JAZF1: variants seen among roughly 807,000 people sequenced by gnomAD.
JAZF1 encodes juxtaposed with another zinc finger protein 1.
In JAZF1, 8 loss-of-function variants were observed where a neutral mutation model predicts 26.4. The observed-to-expected ratio is 0.30, with a 90% CI of 0.18 to 0.55. The LOEUF (loss-of-function observed/expected upper bound fraction) is 0.55. Ranked by LOEUF, JAZF1 falls within the 20% of genes least tolerant of loss-of-function variation. JAZF1 has a pLI of 0.94. For synonymous variants in JAZF1, 126 were observed against 122.3 expected, an observed-to-expected ratio of 1.03 and a Z score of -0.20; for missense variants, 199 against 322.0, an observed-to-expected ratio of 0.62 and a Z score of 2.92.
intron 2 of JAZF1, among the ~76,000 whole-genome samples, chr7:27,976,920 G>C (rs1785484378): frequency 6.6e-6 from 1 of 152,160 alleles, no homozygotes; most frequent in South Asian, 2.1e-4. Context: ...ATGTGGGAAA[G>C]AGGAAGAAAG....
intron 1 of JAZF1, among the ~76,000 whole-genome samples, chr7:28,138,664 AC>A (rs1782920594): frequency 6.6e-6 from 1 of 152,116 alleles, no homozygotes; most frequent in Admixed American, 6.5e-5. Flanking sequence ...AATATTTGCC[AC>A]CCTTCTTCTT....
intron 1 of JAZF1, among the ~76,000 whole-genome samples, chr7:28,054,640 C>A (rs1783668705): frequency 6.6e-6 from 1 of 152,068 alleles, no homozygotes; most frequent in African/African-American, 2.4e-5. Flanking sequence ...CTTTAGGAAA[C>A]CCAGGGCCTG....
chr7:28,066,471 C>T (rs537212174), intron 1 of JAZF1, among the ~76,000 whole-genome samples: 7 of 152,018 alleles, frequency 4.6e-5, no homozygotes, highest in East Asian at 3.9e-4. Context: ...GGTATGGTGG[C>T]GCATGCCTGT....
intron 1 of JAZF1, among the ~76,000 whole-genome samples, chr7:28,163,135 A>G (rs1333585348): frequency 6.6e-6 from 1 of 152,204 alleles, no homozygotes; most frequent in Non-Finnish European, 1.5e-5. Context: ...ATGGTCATTA[A>G]ATGTTTAACA....
intron 1 of JAZF1, among the ~76,000 whole-genome samples, chr7:28,173,207 G>T (rs1386093287): frequency 6.6e-6 from 1 of 152,146 alleles, no homozygotes; most frequent in Non-Finnish European, 1.5e-5. Context: ...TGCCTCTGTG[G>T]TCCCTATTAT....
chr7:28,125,938 C>T (rs966919776), intron 1 of JAZF1, among the ~76,000 whole-genome samples: 1 of 152,144 alleles, frequency 6.6e-6, no homozygotes, highest in Non-Finnish European at 1.5e-5. Context: ...AGGTTGGTCT[C>T]AAGTGTAGTT....
At chr7:28,084,693 G>A (rs553361320) in intron 1 of JAZF1, among the ~76,000 whole-genome samples, 2 of 152,316 alleles carry the variant, frequency 1.3e-5, no homozygotes, top group African/African-American at 2.4e-5. Flanking sequence ...ATGCCCAGGA[G>A]GGAGACATGG....
intron 2 of JAZF1, among the ~76,000 whole-genome samples, chr7:27,944,232 T>G (rs920196108): frequency 2.6e-5 from 4 of 152,194 alleles, no homozygotes; most frequent in Non-Finnish European, 5.9e-5. Flanking sequence ...CAGTGTGCTG[T>G]TAGATGCATA....
At chr7:28,062,034 T>C (rs1211714280) in intron 1 of JAZF1, among the ~76,000 whole-genome samples, 4 of 152,200 alleles carry the variant, frequency 2.6e-5, no homozygotes, top group Admixed American at 2.6e-4. Context: ...TACTGAGTAC[T>C]TCAGTTACAA....
At chr7:28,091,508 CAGTTTT>C (rs1784295943) in intron 1 of JAZF1, among the ~76,000 whole-genome samples, 2 of 151,390 alleles carry the variant, frequency 1.3e-5, no homozygotes, top group Non-Finnish European at 2.9e-5. Context: ...AAAGAGAATA[CAGTTTT>C]ACTTTCTTTT....
At chr7:27,998,868 C>T (rs1288930609) in intron 1 of JAZF1, among the ~76,000 whole-genome samples, 1 of 152,162 alleles carries the variant, frequency 6.6e-6, no homozygotes, top group Non-Finnish European at 1.5e-5. Context: ...TCCTGGCAGA[C>T]CAGAGGGTTA....
Position 27,844,620 on chromosome 7 carries a change from T to C in JAZF1, c.386-3753A>G, listed in dbSNP as rs574998778. ...ATGCCAAATATGTACTAATATATCA[T>C]TGCAGAAACCACATATGCAAAGAAG... On this transcript the variant is annotated intron_variant, in intron 3 of 4. Coordinates refer to ENST00000283928, the MANE Select transcript of JAZF1 (RefSeq NM_175061.4). 4.6e-5 allele frequency: 7 copies of C among 152,326 alleles called. No individual in the cohort carries two copies. In the East Asian group the frequency reaches 1.2e-3, roughly 25 times the overall value. 9.4% of individuals were successfully genotyped at this position (152,326 alleles called of 1,614,324 possible). A position where few individuals can be genotyped will look rare whatever the true frequency, so the allele number is the denominator to read the frequency against.
chr7:28,109,936 A>G (rs1784615512), intron 1 of JAZF1, among the ~76,000 whole-genome samples: 2 of 152,250 alleles, frequency 1.3e-5, no homozygotes, highest in Non-Finnish European at 2.9e-5. Flanking sequence ...GTAGTATCCA[A>G]CGAGAAGTTG....
chr7:28,092,228 A>T (rs1562584189), intron 1 of JAZF1, among the ~76,000 whole-genome samples: 3 of 126,490 alleles, frequency 2.4e-5, no homozygotes, highest in East Asian at 2.4e-4. Flanking sequence ...ATTAGTTTCA[A>T]TTTTTTTTTT....
At chr7:27,994,286 T>G (rs1279284004) in intron 1 of JAZF1, among the ~76,000 whole-genome samples, 1 of 152,156 alleles carries the variant, frequency 6.6e-6, no homozygotes, top group Non-Finnish European at 1.5e-5. Context: ...CAAGAATGTT[T>G]AGCACTTTAT....
intron 1 of JAZF1, among the ~76,000 whole-genome samples, chr7:28,092,746 G>A (rs754592520): frequency 6.6e-6 from 1 of 151,920 alleles, no homozygotes; most frequent in Non-Finnish European, 1.5e-5. Context: ...TGCAGTCCCA[G>A]CCACTCAGGA....
chr7:27,831,338 T>C lies in JAZF1; in HGVS notation c.*1462A>G. On this transcript the variant is annotated 3_prime_UTR_variant, in exon 5 of 5. Coordinates refer to ENST00000283928, the MANE Select transcript of JAZF1 (RefSeq NM_175061.4). Reference sequence around the variant, plus strand: ...TAAGACTTTTCATCAAATGGGAACATGGGAAGAAACTTTATAAGCAATTTG... The same window carrying C: ...TAAGACTTTTCATCAAATGGGAACACGGGAAGAAACTTTATAAGCAATTTG... The C allele has an allele frequency of 4.4e-6, 1 of 226,904 alleles. No individual in the cohort carries two copies. The highest frequency in any genetic ancestry group is 8.8e-6 in the Non-Finnish European group (1 of 113,818). 14.1% of individuals were successfully genotyped at this position (226,904 alleles called of 1,614,324 possible).
rs1288091366 is a variant in JAZF1 at position 27,991,979 on chromosome 7, T to C, written c.118A>G (p.Thr40Ala). The C allele has an allele frequency of 1.3e-6, 2 of 1,591,186 alleles. No homozygotes were observed. The highest frequency in any genetic ancestry group is 2.2e-5 in the East Asian group (1 of 44,682). Residue 40 changes from threonine to alanine, a missense_variant and splice_region_variant, in exon 2 of 5, where the codon ACA becomes GCA. Around this residue, in one of 2 missense-constraint regions of JAZF1, gnomAD observed 137 missense variants for 184.8 expected, o/e 0.74. Coordinates refer to ENST00000283928, the MANE Select transcript of JAZF1 (RefSeq NM_175061.4). ...IEHIEDNHIDTDPRVLEKQEL... is the reference protein window; with the variant it reads ...IEHIEDNHIDADPRVLEKQEL... ...TGTTTTTCTAAAACCCGTGGATCTG[T>C]ATCTGTAATAAAAACACAATTACGA...
intron 1 of JAZF1, among the ~76,000 whole-genome samples, chr7:28,014,916 C>T (rs1482464651): frequency 2.6e-5 from 4 of 152,086 alleles, no homozygotes; most frequent in African/African-American, 9.7e-5. Context: ...AAGGATCAAC[C>T]CTTACATTTG....
Sources: allele counts gnomAD v4.1 joint callset (sites outside exome capture counted in the v4.1 genomes callset), GRCh38; gene constraint gnomAD v4.1.1; regional missense constraint gnomAD v4.1.1; transcripts MANE v1.5; gene names NCBI Gene and HGNC (gene_info 2026-07-23, HGNC 2026-07-21).